Variants in ADAMTS3 observed in about 807,000 individuals in gnomAD.
The protein encoded by ADAMTS3 is A disintegrin and metalloproteinase with thrombospondin motifs 3.
ADAMTS3 carries 73 observed loss-of-function variants against 129.0 expected under a neutral mutation model. That is an observed-to-expected ratio of 0.57 (90% confidence interval 0.47 to 0.69). The LOEUF (loss-of-function observed/expected upper bound fraction) is 0.69. Among genes scored for constraint, ADAMTS3 ranks in the 30% least tolerant of loss-of-function variants. The probability of loss-of-function intolerance (pLI) is 0.00; values close to 1 mark genes in which losing one functional copy is unlikely to be tolerated. For synonymous variants in ADAMTS3, 477 were observed against 510.8 expected (o/e 0.93, Z 0.89); for missense variants, 1,457 against 1,514.5 (o/e 0.96, Z 0.63).
At chr4:72,422,350 T>C (rs932486389) in intron 3 of ADAMTS3, among the ~76,000 whole-genome samples, 2 of 152,158 alleles carry the variant, frequency 1.3e-5, no homozygotes, top group Admixed American at 6.6e-5. Flanking sequence ...AAGTCCTGCA[T>C]TGATATATGC....
chr4:72,560,192 TAAAG>T (rs1721868684), intron 2 of ADAMTS3, among the ~76,000 whole-genome samples: 1 of 146,282 alleles, frequency 6.8e-6, no homozygotes, highest in East Asian at 2.0e-4. Flanking sequence ...CAAGATGGAT[TAAAG>T]ACTTAAATGT....
chr4:72,462,022 T>C (rs568061110), intron 3 of ADAMTS3, among the ~76,000 whole-genome samples: 103 of 152,048 alleles, frequency 6.8e-4, no homozygotes, highest in Non-Finnish European at 1.2e-3. Flanking sequence ...GCACTATGGA[T>C]TAAGCAGTGA....
intron 3 of ADAMTS3, among the ~76,000 whole-genome samples, chr4:72,505,982 C>T (rs547984368): frequency 6.6e-6 from 1 of 152,302 alleles, no homozygotes; most frequent in African/African-American, 2.4e-5. Flanking sequence ...ATTATGCCTG[C>T]AGAACCAGGC....
intron 3 of ADAMTS3, among the ~76,000 whole-genome samples, chr4:72,543,646 T>C (rs557687927): frequency 1.3e-5 from 2 of 152,180 alleles, no homozygotes; most frequent in Admixed American, 6.5e-5. Context: ...ATTCCACTTA[T>C]ATGAAGCATT....
At chr4:72,347,432 T>C (rs769511027) in intron 4 of ADAMTS3, among the ~76,000 whole-genome samples, 4 of 152,038 alleles carry the variant, frequency 2.6e-5, no homozygotes, top group Admixed American at 1.3e-4. Context: ...TCTTCTTCTG[T>C]AGTCAACTAT....
rs1718974816 is a variant in ADAMTS3, at chr4:72,302,404, C to T, written c.2424+1513G>A. Among the ~76,000 whole-genome samples the T allele has an allele frequency of 4.6e-5, 7 of 151,618 alleles. No homozygotes were observed. The South Asian group carries it at 1.5e-3, about 32-fold the overall frequency. ...GGCTCAAGGACAGATTGGAGATCACCTAAGAGAAATAGTGACTTAGAGCTC... is the reference window on the plus strand; with the variant it reads ...GGCTCAAGGACAGATTGGAGATCACTTAAGAGAAATAGTGACTTAGAGCTC... On this transcript the variant is annotated intron_variant, in intron 17 of 21. Coordinates refer to ENST00000286657, the MANE Select transcript of ADAMTS3 (RefSeq NM_014243.3).
intron 3 of ADAMTS3, among the ~76,000 whole-genome samples, chr4:72,443,319 A>C (rs140927672): frequency 0.01 from 1,543 of 151,796 alleles, 24 homozygotes; most frequent in South Asian, 0.064. Flanking sequence ...TCATTCATTT[A>C]AAAAATACAT....
intron 3 of ADAMTS3, among the ~76,000 whole-genome samples, chr4:72,428,499 C>T (rs2109942682): frequency 6.6e-6 from 1 of 152,112 alleles, no homozygotes; most frequent in East Asian, 1.9e-4. Flanking sequence ...AGACTGTAAA[C>T]AATTTTATTA....
chr4:72,323,097 C>T lies in ADAMTS3; in HGVS notation c.862G>A (p.Val288Met). The T allele has an allele frequency of 6.2e-7, 1 of 1,611,110 alleles. No homozygotes were observed. Among genetic ancestry groups the T allele is most frequent in the Non-Finnish European group, 8.5e-7 (1 of 1,177,816 alleles). The change falls in exon 6 of 22, where the codon GTG (valine) becomes ATG (methionine). Residue 288 changes from valine to methionine, a missense_variant and splice_region_variant. Transcript: ENST00000286657. ...QNYLLTLMNI[V>M]NEIYHDESLG... ...GACTCATCATGGTAAATTTCATTCACCTAGCAACAAAAAAAGATAATTGCT... is the reference window on the plus strand; with the variant it reads ...GACTCATCATGGTAAATTTCATTCATCTAGCAACAAAAAAAGATAATTGCT...
chr4:72,497,578 C>A (rs1031862836), intron 3 of ADAMTS3, among the ~76,000 whole-genome samples: 1 of 151,252 alleles, frequency 6.6e-6, no homozygotes, highest in African/African-American at 2.4e-5. Context: ...AGAAGAATAT[C>A]ATAAAATATT....
intron 3 of ADAMTS3, among the ~76,000 whole-genome samples, chr4:72,469,817 C>T (rs925180222): frequency 6.6e-6 from 1 of 152,116 alleles, no homozygotes; most frequent in Non-Finnish European, 1.5e-5. Context: ...TTTTCCCTTC[C>T]TTATGACTTT....
chr4:72,484,305 C>A (rs887778375), intron 3 of ADAMTS3, among the ~76,000 whole-genome samples: 1 of 152,148 alleles, frequency 6.6e-6, no homozygotes, highest in Non-Finnish European at 1.5e-5. Context: ...AAGTTAAATG[C>A]CTTCCTTTTT....
chr4:72,532,181 G>A (rs1025336610), intron 3 of ADAMTS3, among the ~76,000 whole-genome samples: 1 of 152,124 alleles, frequency 6.6e-6, no homozygotes, highest in Non-Finnish European at 1.5e-5. Context: ...GTAACTGAGA[G>A]CATGACAGAA....
intron 21 of ADAMTS3, among the ~76,000 whole-genome samples, chr4:72,288,301 T>C (rs1365761167): frequency 1.3e-5 from 2 of 152,220 alleles, no homozygotes; most frequent in East Asian, 1.9e-4. Flanking sequence ...AGTTACTCTA[T>C]GGACAGACAG....
intron 2 of ADAMTS3, among the ~76,000 whole-genome samples, chr4:72,550,042 A>G (rs1315186164): frequency 7.4e-5 from 2 of 27,202 alleles, no homozygotes; most frequent in Admixed American, 2.8e-4. Flanking sequence ...AAGAAGAAGA[A>G]GAGGAAGAGG....
At chr4:72,511,800 A>ATATC (rs1396444568) in intron 3 of ADAMTS3, among the ~76,000 whole-genome samples, 3 of 152,230 alleles carry the variant, frequency 2.0e-5, no homozygotes, top group African/African-American at 7.2e-5. Context: ...TATCAGAGAG[A>ATATC]TATCTGCACT....
intron 6 of ADAMTS3, among the ~76,000 whole-genome samples, chr4:72,322,021 G>A (rs1306809862): frequency 2.6e-5 from 4 of 152,206 alleles, no homozygotes; most frequent in Admixed American, 6.5e-5. Flanking sequence ...ACTGACAGGC[G>A]AATTTTGTTA....
At position 72,400,364 on chromosome 4, in the gene ADAMTS3, T is replaced by C. The variant is rs186032712; in HGVS notation, c.661+14451A>G. Among the ~76,000 whole-genome samples, 489 of 145,140 alleles carry C rather than the reference T, an allele frequency of 3.4e-3. 40 individuals carry two copies. The highest frequency in any genetic ancestry group is 0.012 in the African/African-American group (470 of 38,336). ...GTGTGTATATATACGTGTGCATAGATATGCACACGGTGTGTATATATACGT... is the reference window on the plus strand; with the variant it reads ...GTGTGTATATATACGTGTGCATAGACATGCACACGGTGTGTATATATACGT... On this transcript the variant is annotated intron_variant, in intron 4 of 21. Transcript: ENST00000286657.
At chr4:72,341,331 G>A (rs954792669) in intron 4 of ADAMTS3, among the ~76,000 whole-genome samples, 1 of 152,100 alleles carries the variant, frequency 6.6e-6, no homozygotes, top group Non-Finnish European at 1.5e-5. Context: ...TAGCTCATTA[G>A]CTGGGAAAAT....
Sources: gnomAD v4.1 joint callset for allele counts (sites outside exome capture counted in the v4.1 genomes callset) on GRCh38, gnomAD v4.1.1 for gene constraint, MANE v1.5 for transcripts, NCBI Gene and HGNC (gene_info 2026-07-23, HGNC 2026-07-21) for gene names.